MPPED2: variants seen among roughly 807,000 people sequenced by gnomAD.
MPPED2 encodes metallophosphoesterase domain containing 2.
A neutral mutation model predicts 33.0 loss-of-function variants in MPPED2; 5 were observed. The ratio of observed to expected loss-of-function variants is 0.15; its 90% CI spans 0.08 to 0.32. MPPED2 has a LOEUF of 0.32. Among genes scored for constraint, MPPED2 ranks in the 10% least tolerant of loss-of-function variants. The pLI is 1.00. For missense variants in MPPED2, 275 were observed against 372.1 expected, an observed-to-expected ratio of 0.74 and a Z score of 2.15; for synonymous variants, 136 against 141.9, an observed-to-expected ratio of 0.96 and a Z score of 0.29.
chr11:30,547,921 G>T (rs923214539), intron 2 of MPPED2, among the ~76,000 whole-genome samples: 1 of 152,076 alleles, frequency 6.6e-6, no homozygotes, highest in South Asian at 2.1e-4. Context: ...ATTTGGGAGG[G>T]CATACATACC....
intron 2 of MPPED2, among the ~76,000 whole-genome samples, chr11:30,570,928 A>T (rs1441372311): frequency 1.3e-5 from 2 of 152,180 alleles, no homozygotes; most frequent in African/African-American, 4.8e-5. Context: ...AGAATTATCA[A>T]ATCTTTGAGC....
At chr11:30,458,447 T>C (rs1427325087) in intron 4 of MPPED2, among the ~76,000 whole-genome samples, 1 of 152,186 alleles carries the variant, frequency 6.6e-6, no homozygotes, top group Non-Finnish European at 1.5e-5. Flanking sequence ...ATCCAACAGA[T>C]AATGAAGGGA....
In MPPED2 at chr11:30,391,336, G is replaced by A. The variant is rs546516411; in HGVS notation, c.767-2380C>T. ...TTGTCTTGCACTGCTCATACACTCT[G>A]TACTTTGGACGTGATTGTAGACCAG... On this transcript the variant is annotated intron_variant, in intron 6 of 6. Coordinates refer to the MPPED2 transcript ENST00000448418. Among the ~76,000 whole-genome samples the A allele has an allele frequency of 2.0e-5, 3 of 152,252 alleles. No individual in the cohort carries two copies. In the East Asian group the frequency reaches 5.8e-4, roughly 29 times the overall value.
intron 4 of MPPED2, among the ~76,000 whole-genome samples, chr11:30,483,700 A>G (rs892937412): frequency 6.6e-6 from 1 of 152,184 alleles, no homozygotes; most frequent in African/African-American, 2.4e-5. Context: ...TAAATCATTA[A>G]GACAATAAAA....
chr11:30,513,820 T>C (rs1051728274), intron 3 of MPPED2, among the ~76,000 whole-genome samples: 10 of 151,858 alleles, frequency 6.6e-5, no homozygotes, highest in Admixed American at 5.9e-4. Flanking sequence ...ACAAGAAAAG[T>C]AAAGATTTCA....
chr11:30,526,794 A>G, intron 3 of MPPED2, among the ~76,000 whole-genome samples: 1 of 152,092 alleles, frequency 6.6e-6, no homozygotes, highest in Admixed American at 6.6e-5. Context: ...CATTCCAGTG[A>G]GGCTGCTCTG....
At chr11:30,548,181 A>T (rs1305402523) in intron 2 of MPPED2, among the ~76,000 whole-genome samples, 1 of 151,642 alleles carries the variant, frequency 6.6e-6, no homozygotes, top group Non-Finnish European at 1.5e-5. Flanking sequence ...TACTTGCCTC[A>T]TAAGATTGAC....
chr11:30,462,669 C>T (rs1950554626), intron 4 of MPPED2, among the ~76,000 whole-genome samples: 2 of 152,154 alleles, frequency 1.3e-5, no homozygotes, highest in African/African-American at 2.4e-5. Flanking sequence ...TCCAAGTACT[C>T]GCAAACAAGA....
intron 2 of MPPED2, among the ~76,000 whole-genome samples, chr11:30,570,928 A>G (rs1441372311): frequency 6.6e-6 from 1 of 152,298 alleles, no homozygotes; most frequent in Middle Eastern, 3.4e-3. Flanking sequence ...AGAATTATCA[A>G]ATCTTTGAGC....
At chr11:30,504,801 G>T in intron 3 of MPPED2, 1 of 1,288,382 alleles carries the variant, frequency 7.8e-7, no homozygotes. Flanking sequence ...CATGCATTAG[G>T]GTTTCTTCCA....
chr11:30,481,235 T>C (rs984677553), intron 4 of MPPED2, among the ~76,000 whole-genome samples: 1 of 152,156 alleles, frequency 6.6e-6, no homozygotes, highest in South Asian at 2.1e-4. Flanking sequence ...TCCAGTCAAC[T>C]GCACCGTGCA....
At chr11:30,427,090 T>A (rs1210350399) in intron 4 of MPPED2, among the ~76,000 whole-genome samples, 1 of 152,180 alleles carries the variant, frequency 6.6e-6, no homozygotes, top group South Asian at 2.1e-4. Flanking sequence ...CTCTTCCCCA[T>A]CCTACCCTTT....
In MPPED2 at chr11:30,551,755, T is replaced by C. The variant is rs117026223; in HGVS notation, c.129-15580A>G. 2.4e-4 allele frequency among the ~76,000 whole-genome samples: 37 copies of C among 152,294 alleles called. No individual in the cohort carries two copies. The East Asian group carries it at 7.1e-3, about 29-fold the overall frequency. The stretch of plus-strand genomic sequence containing the variant: ...AAGTTCTAGAGACAAACAGCATGGA[T>C]TTAAATCCCAAATACACAAACGGAC... On this transcript the variant is annotated intron_variant, in intron 2 of 6. Coordinates refer to ENST00000358117, the MANE Select transcript of MPPED2 (RefSeq NM_001584.3).
In MPPED2 at chr11:30,467,773, G is replaced by GT. The variant is rs1950772758; in HGVS notation, c.536+27522dup. The stretch of plus-strand genomic sequence containing the variant: ...AATAACATTCACACCTGCTACACAT[G>GT]TTTAAATGTTTAAAAACTCGAGTTG... On this transcript the variant is annotated intron_variant, in intron 4 of 6. Coordinates refer to ENST00000358117, the MANE Select transcript of MPPED2 (RefSeq NM_001584.3). Among the ~76,000 whole-genome samples, 3 of 152,316 alleles carry GT rather than the reference G, an allele frequency of 2.0e-5. No homozygotes were observed. In the South Asian group the frequency reaches 6.2e-4, roughly 32 times the overall value.
intron 1 of MPPED2, among the ~76,000 whole-genome samples, chr11:30,583,657 G>A (rs974595543): frequency 1.3e-5 from 2 of 152,064 alleles, no homozygotes; most frequent in African/African-American, 4.8e-5. Flanking sequence ...AAAGTCGGCT[G>A]GCAATGAAGG....
At chr11:30,580,186 CT>C (rs66528013) in intron 2 of MPPED2, 59 bp downstream of exon 2, 742,846 of 1,543,912 alleles carry the variant, frequency 0.48, 182,648 homozygotes, top group East Asian at 0.63. Flanking sequence ...GAATGCTTTT[CT>C]TTTTTTTCTT....
intron 2 of MPPED2, among the ~76,000 whole-genome samples, chr11:30,555,045 C>T (rs548856849): frequency 6.6e-6 from 1 of 152,302 alleles, no homozygotes; most frequent in African/African-American, 2.4e-5. Context: ...GCAGAATTAC[C>T]ATCATCTACT....
At chr11:30,512,870 G>A (rs1418528598) in intron 3 of MPPED2, among the ~76,000 whole-genome samples, 5 of 152,104 alleles carry the variant, frequency 3.3e-5, no homozygotes, top group Non-Finnish European at 5.9e-5. Context: ...ATGTGGTGGT[G>A]TACACCTGTG....
At chr11:30,549,485 T>C (rs1955596438) in intron 2 of MPPED2, among the ~76,000 whole-genome samples, 2 of 152,172 alleles carry the variant, frequency 1.3e-5, no homozygotes, top group African/African-American at 4.8e-5. Context: ...TGCTAAACTG[T>C]AAAAGGCCCA....
Sources: allele counts gnomAD v4.1 joint callset (sites outside exome capture counted in the v4.1 genomes callset), GRCh38; gene constraint gnomAD v4.1.1; transcripts MANE v1.5; gene names NCBI Gene and HGNC (gene_info 2026-07-23, HGNC 2026-07-21).